The following GLIS3 variants were observed in gnomAD, a reference collection of about 807,000 sequenced individuals.
GLIS3 encodes zinc finger protein GLIS3.
Under a neutral mutation model 78.6 loss-of-function variants are expected in GLIS3, and 53 were observed. The observed-to-expected ratio is 0.67, with a 90% confidence interval of 0.54 to 0.85. The LOEUF (loss-of-function observed/expected upper bound fraction) is 0.85, where lower values mean the gene tolerates loss of function less well. Among genes scored for constraint, GLIS3 ranks in the 40% least tolerant of loss-of-function variants. The pLI, the probability that GLIS3 is intolerant of heterozygous loss-of-function variation, is 0.00. For synonymous variants in GLIS3, 684 were observed against 509.9 expected (o/e 1.34, Z -4.60); for missense variants, 1,703 against 1,231.1 (o/e 1.38, Z -5.74).
intron 2 of GLIS3, among the ~76,000 whole-genome samples, chr9:4,212,585 A>C (rs1046112351): frequency 3.9e-5 from 6 of 152,192 alleles, no homozygotes; most frequent in African/African-American, 1.4e-4. Context: ...GGCGCCTCTC[A>C]CCTTGATTTT....
rs1183711265 is a variant in GLIS3, at chr9:3,847,533, T to C, written c.2473+8476A>G. Among the ~76,000 whole-genome samples the C allele has an allele frequency of 2.6e-5, 4 of 152,376 alleles. 1 individual carries two copies. In the Middle Eastern group the frequency reaches 0.01, roughly 389 times the overall value. On this transcript the variant is annotated intron_variant, in intron 9 of 10. Transcript: ENST00000381971. ...ATATTCATCAAACATAGCACATTAA[T>C]ATGGTGAGTTTAATCTGTGTGGGTG...
intron 3 of GLIS3, among the ~76,000 whole-genome samples, chr9:4,309,956 G>C (rs1042445864): frequency 6.6e-6 from 1 of 152,198 alleles, no homozygotes; most frequent in African/African-American, 2.4e-5. Flanking sequence ...TATTTTCAAA[G>C]AAACCAAATA....
chr9:4,111,917 A>T (rs1045938306), intron 4 of GLIS3, among the ~76,000 whole-genome samples: 2 of 152,274 alleles, frequency 1.3e-5, no homozygotes, highest in African/African-American at 2.4e-5. Context: ...TAATCACATC[A>T]GGCAGATTTG....
rs192324069 is a variant in GLIS3 at position 4,045,381 on chromosome 9, G to C, written c.1710+72387C>G. Among the ~76,000 whole-genome samples the C allele has an allele frequency of 5.1e-3, 779 of 152,106 alleles. 3 individuals carry two copies. Among genetic ancestry groups the C allele is most frequent in the Non-Finnish European group, 8.5e-3 (576 of 67,990 alleles). On this transcript the variant is annotated intron_variant, in intron 4 of 10. Transcript: ENST00000381971. Reference sequence around the variant, plus strand: ...GCCGGAATCTCGCTCTATCACCCAGGCTGGAGTGCAGTGGTGCGATCTCGG... The same window carrying C: ...GCCGGAATCTCGCTCTATCACCCAGCCTGGAGTGCAGTGGTGCGATCTCGG...
At chr9:4,054,982 G>C (rs925555963) in intron 4 of GLIS3, among the ~76,000 whole-genome samples, 2 of 151,024 alleles carry the variant, frequency 1.3e-5, no homozygotes, top group Non-Finnish European at 1.5e-5. Flanking sequence ...ACAAGGATCT[G>C]GCTAACGTTG....
intron 4 of GLIS3, among the ~76,000 whole-genome samples, chr9:4,063,029 T>G (rs1826787389): frequency 6.6e-6 from 1 of 151,956 alleles, no homozygotes; most frequent in Admixed American, 6.6e-5. Context: ...TGGAATAAAC[T>G]CTCTTGACTC....
chr9:4,011,735 T>C (rs1232764006), intron 4 of GLIS3, among the ~76,000 whole-genome samples: 1 of 152,214 alleles, frequency 6.6e-6, no homozygotes, highest in Non-Finnish European at 1.5e-5. Flanking sequence ...GCCAGTTTGC[T>C]TTGGTAGGCC....
chr9:3,989,396 T>C (rs575531121), intron 4 of GLIS3, among the ~76,000 whole-genome samples: 4 of 152,320 alleles, frequency 2.6e-5, no homozygotes, highest in East Asian at 1.9e-4. Flanking sequence ...GGTGGATAAT[T>C]ATCCAGAGAA....
At chr9:4,193,347 T>C (rs887123504) in intron 2 of GLIS3, among the ~76,000 whole-genome samples, 1 of 152,208 alleles carries the variant, frequency 6.6e-6, no homozygotes, top group African/African-American at 2.4e-5. Context: ...TCCATTTACA[T>C]AGTGTCAATG....
At chr9:4,025,607 G>C (rs1047422955) in intron 4 of GLIS3, among the ~76,000 whole-genome samples, 1 of 152,094 alleles carries the variant, frequency 6.6e-6, no homozygotes, top group African/African-American at 2.4e-5. Context: ...AGGAGGGTCT[G>C]CGTCTCCTGA....
intron 4 of GLIS3, among the ~76,000 whole-genome samples, chr9:4,015,544 A>G (rs145183140): frequency 6.6e-6 from 1 of 152,294 alleles, no homozygotes; most frequent in African/African-American, 2.4e-5. Context: ...TCCCATCCCA[A>G]ATATGAAGTT....
intron 2 of GLIS3, among the ~76,000 whole-genome samples, chr9:4,190,994 G>C (rs1383611187): frequency 6.6e-6 from 1 of 151,946 alleles, no homozygotes; most frequent in Non-Finnish European, 1.5e-5. Flanking sequence ...GAGAGATTTT[G>C]TCACCGCCAG....
At chr9:4,094,091 C>T (rs985885917) in intron 4 of GLIS3, among the ~76,000 whole-genome samples, 20 of 152,120 alleles carry the variant, frequency 1.3e-4, no homozygotes, top group African/African-American at 4.3e-4. Flanking sequence ...CAATCAATGG[C>T]TTTAAGCACG....
intron 2 of GLIS3, among the ~76,000 whole-genome samples, chr9:4,202,770 A>G (rs947066976): frequency 6.6e-6 from 1 of 152,356 alleles, no homozygotes; most frequent in East Asian, 1.9e-4. Context: ...AGCCAAATGA[A>G]GAAGAATGAA....
chr9:4,194,118 T>G lies in GLIS3; in HGVS notation c.389-68177A>C, dbSNP rs969360450. ...TGTCGCCCAGGCTGGAGTGCAGTGG[T>G]GCGATCTCGGCTCTCTGCAACCTCC... On this transcript the variant is annotated intron_variant, in intron 2 of 10. Transcript: ENST00000381971. 1.1e-4 allele frequency among the ~76,000 whole-genome samples: 17 copies of G among 152,262 alleles called. No homozygotes were observed. The East Asian group carries it at 3.1e-3, about 28-fold the overall frequency.
At chr9:4,161,137 T>G (rs7040572) in intron 2 of GLIS3, among the ~76,000 whole-genome samples, 67,452 of 150,516 alleles carry the variant, frequency 0.45, 15,430 homozygotes, top group African/African-American at 0.48. Flanking sequence ...TTGTTAATTA[T>G]TCAGGCATGT....
At chr9:4,144,424 A>G (rs1401880905) in intron 2 of GLIS3, among the ~76,000 whole-genome samples, 7 of 152,224 alleles carry the variant, frequency 4.6e-5, no homozygotes, top group South Asian at 2.1e-4. Context: ...TGAAGACAGG[A>G]AAGTTGTCAG....
At chr9:4,476,567 A>G in the GLIS3 span, among the ~76,000 whole-genome samples, 1 of 151,956 alleles carries the variant, frequency 6.6e-6, no homozygotes, top group Non-Finnish European at 1.5e-5. Flanking sequence ...TCACCATGTT[A>G]GCCAGGCTGG....
chr9:4,450,191 T>G, the GLIS3 span, among the ~76,000 whole-genome samples: 1 of 152,148 alleles, frequency 6.6e-6, no homozygotes, highest in African/African-American at 2.4e-5. Flanking sequence ...ACGAGAACTA[T>G]GTGATGCATA....
Sources: allele counts gnomAD v4.1 joint callset (sites outside exome capture counted in the v4.1 genomes callset), GRCh38; gene constraint gnomAD v4.1.1; transcripts MANE v1.5; gene names NCBI Gene and HGNC (gene_info 2026-07-23, HGNC 2026-07-21).